Variants in TASP1 observed in about 807,000 individuals in gnomAD.
TASP1 encodes the protein taspase 1.
In TASP1, 16 loss-of-function variants were observed where a neutral mutation model predicts 56.6. The observed-to-expected ratio is 0.28, with a 90% CI of 0.19 to 0.43. The LOEUF (loss-of-function observed/expected upper bound fraction) is 0.43. Among genes scored for constraint, TASP1 ranks in the 20% least tolerant of loss-of-function variants. The pLI is 1.00. For synonymous variants in TASP1, 179 were observed against 184.2 expected (o/e 0.97, Z 0.23); for missense variants, 393 against 511.6 (o/e 0.77, Z 2.24).
chr20:13,579,259 C>G (rs1456731067), intron 6 of TASP1, among the ~76,000 whole-genome samples: 2 of 152,198 alleles, frequency 1.3e-5, no homozygotes, highest in Non-Finnish European at 2.9e-5. Context: ...GCTAGAAGGA[C>G]TCCGCATGCA....
chr20:13,447,165 T>A (rs1343853446), intron 11 of TASP1, among the ~76,000 whole-genome samples: 1 of 152,166 alleles, frequency 6.6e-6, no homozygotes, highest in African/African-American at 2.4e-5. Flanking sequence ...AGTACCTATT[T>A]TCCCTATGGG....
At chr20:13,436,791 C>A (rs1037478246) in intron 11 of TASP1, among the ~76,000 whole-genome samples, 1 of 152,096 alleles carries the variant, frequency 6.6e-6, no homozygotes, top group Non-Finnish European at 1.5e-5. Context: ...TTGAGAGACA[C>A]CCCCAAGAAA....
At chr20:13,134,818 G>A in the TASP1 span, among the ~76,000 whole-genome samples, 20 of 152,128 alleles carry the variant, frequency 1.3e-4, no homozygotes, top group African/African-American at 3.9e-4. Context: ...GAAAAAGCCC[G>A]AAAGAGAAAA....
At chr20:13,155,958 A>G in the TASP1 span, among the ~76,000 whole-genome samples, 2,182 of 152,348 alleles carry the variant, frequency 0.014, 25 homozygotes, top group South Asian at 0.028. Context: ...GACATGTTAT[A>G]TATCATACTG....
intron 10 of TASP1, among the ~76,000 whole-genome samples, chr20:13,512,009 T>C (rs2044348684): frequency 6.6e-6 from 1 of 152,170 alleles, no homozygotes; most frequent in Non-Finnish European, 1.5e-5. Flanking sequence ...CTACCATTGA[T>C]GGACACTTGG....
intron 4 of TASP1, among the ~76,000 whole-genome samples, chr20:13,596,079 A>G (rs1240462523): frequency 6.6e-6 from 1 of 152,176 alleles, no homozygotes; most frequent in African/African-American, 2.4e-5. Flanking sequence ...AACTCACTCA[A>G]AACTGCACAA....
At position 13,430,480 on chromosome 20, in the gene TASP1, C is replaced by T. The variant is rs200800381; in HGVS notation, c.1096+4564G>A. 1.6e-4 allele frequency among the ~76,000 whole-genome samples: 25 copies of T among 152,298 alleles called. No homozygotes were observed. In the East Asian group the frequency reaches 2.1e-3, roughly 13 times the overall value. Reference sequence around the variant, plus strand: ...TCAGAAGCAGCTGTTGGGAGGAAGTCGCAGTTTTTTGCGAAGTGGGCTTCC... The same window carrying T: ...TCAGAAGCAGCTGTTGGGAGGAAGTTGCAGTTTTTTGCGAAGTGGGCTTCC... On this transcript the variant is annotated intron_variant, in intron 12 of 13. Transcript: ENST00000337743.
At chr20:13,575,543 T>C (rs1049652907) in intron 6 of TASP1, among the ~76,000 whole-genome samples, 16 of 152,240 alleles carry the variant, frequency 1.1e-4, no homozygotes, top group Non-Finnish European at 2.1e-4. Context: ...TTTGCCATGA[T>C]TGTGAGGCTT....
the TASP1 span, among the ~76,000 whole-genome samples, chr20:13,157,850 A>G: frequency 5.3e-5 from 8 of 152,228 alleles, no homozygotes; most frequent in Non-Finnish European, 1.2e-4. Flanking sequence ...CGTTAATTGT[A>G]TAAGCCACTG....
In TASP1 at chr20:13,438,230, C is replaced by T. The variant is rs1391537805; in HGVS notation, c.986-3076G>A. On this transcript the variant is annotated intron_variant, in intron 11 of 13. Transcript: ENST00000337743. Reference sequence around the variant, plus strand: ...TAAGCCAAAAGAACAAAGCTGGAGGCATCACGCTACCTGACTTCAAACTAT... The same window carrying T: ...TAAGCCAAAAGAACAAAGCTGGAGGTATCACGCTACCTGACTTCAAACTAT... Among the ~76,000 whole-genome samples, 16 of 152,292 alleles carry T rather than the reference C, an allele frequency of 1.1e-4. No individual in the cohort carries two copies. The South Asian group carries it at 2.9e-3, about 28-fold the overall frequency.
the TASP1 span, among the ~76,000 whole-genome samples, chr20:13,187,475 C>T: frequency 5.3e-5 from 8 of 151,644 alleles, no homozygotes; most frequent in African/African-American, 1.5e-4. Context: ...GAAGGCCGGG[C>T]GCAGTGGCTC....
intron 12 of TASP1, among the ~76,000 whole-genome samples, chr20:13,430,667 C>T (rs576499823): frequency 7.2e-4 from 110 of 152,310 alleles, no homozygotes; most frequent in African/African-American, 2.5e-3. Context: ...GGAAGCGAGT[C>T]TCTAGTGTTT....
chr20:13,617,237 G>A (rs2048555287), intron 4 of TASP1: 3 of 220,090 alleles, frequency 1.4e-5, no homozygotes, highest in South Asian at 4.9e-5. Context: ...GGCAAAATAG[G>A]GTCTTTGAAA....
At chr20:13,221,655 T>TGGCGGGAGCGGA in the TASP1 span, 6 of 834,188 alleles carry the variant, frequency 7.2e-6, no homozygotes, top group Admixed American at 1.5e-4. Context: ...AGCGGAGCCC[T>TGGCGGGAGCGGA]GGCGGGAGCC....
chr20:13,425,820 A>G (rs557562657), intron 12 of TASP1, among the ~76,000 whole-genome samples: 66 of 150,258 alleles, frequency 4.4e-4, no homozygotes, highest in African/African-American at 1.6e-3. Flanking sequence ...TTATCTTTAG[A>G]AAAAAAAAAT....
chr20:13,555,789 C>G lies in TASP1; in HGVS notation c.675+3219G>C, dbSNP rs114401931. Among the ~76,000 whole-genome samples, 857 of 152,272 alleles carry G rather than the reference C, an allele frequency of 5.6e-3. 8 individuals are homozygous for G. The highest frequency in any genetic ancestry group is 0.02 in the African/African-American group (826 of 41,538). Reference sequence around the variant, plus strand: ...GGTTTTCAATTCACCTTGTCCAGATCCATCAGAGGAATCACTATCTATGGC... The same window carrying G: ...GGTTTTCAATTCACCTTGTCCAGATGCATCAGAGGAATCACTATCTATGGC... On this transcript the variant is annotated intron_variant, in intron 8 of 13. Transcript: ENST00000337743.
the TASP1 span, among the ~76,000 whole-genome samples, chr20:13,222,991 C>T: frequency 2.6e-5 from 4 of 151,916 alleles, no homozygotes; most frequent in African/African-American, 7.2e-5. Context: ...GGTGAAACCC[C>T]GTCTCTACTA....
chr20:13,570,776 C>G (rs1417399155), intron 6 of TASP1, among the ~76,000 whole-genome samples: 2 of 151,970 alleles, frequency 1.3e-5, no homozygotes, highest in Non-Finnish European at 2.9e-5. Flanking sequence ...GAAATCCTCT[C>G]CAAAGAAAAG....
chr20:13,337,447 T>A, the TASP1 span, among the ~76,000 whole-genome samples: 2 of 152,156 alleles, frequency 1.3e-5, no homozygotes, highest in Admixed American at 1.3e-4. Flanking sequence ...TCCCCCTCAC[T>A]GCCACCCCCA....
Sources: gnomAD v4.1 joint callset for allele counts (sites outside exome capture counted in the v4.1 genomes callset) on GRCh38, gnomAD v4.1.1 for gene constraint, MANE v1.5 for transcripts, NCBI Gene and HGNC (gene_info 2026-07-23, HGNC 2026-07-21) for gene names.